The following CNTNAP2 variants were observed in gnomAD, a reference collection of about 807,000 sequenced individuals.
The protein encoded by CNTNAP2 is contactin associated protein 2, also known as contactin-associated protein-like 2.
Under a neutral mutation model 155.2 loss-of-function variants are expected in CNTNAP2, and 98 were observed. That is an observed-to-expected ratio of 0.63 (90% confidence interval 0.54 to 0.75). CNTNAP2 has a LOEUF of 0.75. Ranked by LOEUF, CNTNAP2 falls within the 30% of genes least tolerant of loss-of-function variation. The probability of loss-of-function intolerance (pLI) is 0.00; values close to 1 mark genes in which losing one functional copy is unlikely to be tolerated. For missense variants in CNTNAP2, 1,727 were observed against 1,688.1 expected (o/e 1.02, Z -0.40); for synonymous variants, 651 against 631.2 (o/e 1.03, Z -0.47).
intron 13 of CNTNAP2, among the ~76,000 whole-genome samples, chr7:147,734,502 C>T (rs1186739436): frequency 3.3e-5 from 5 of 152,094 alleles, no homozygotes; most frequent in African/African-American, 4.8e-5. Context: ...CTCTGCCAGG[C>T]TTCGGTATCA....
chr7:148,250,799 CTTA>C (rs903580646), intron 20 of CNTNAP2, among the ~76,000 whole-genome samples: 1 of 152,178 alleles, frequency 6.6e-6, no homozygotes, highest in African/African-American at 2.4e-5. Flanking sequence ...CCTCATTTTA[CTTA>C]TTATAGCCAC....
intron 10 of CNTNAP2, among the ~76,000 whole-genome samples, chr7:147,396,296 A>G (rs1796815693): frequency 6.6e-6 from 1 of 151,788 alleles, no homozygotes; most frequent in African/African-American, 2.4e-5. Flanking sequence ...GCAGTGTGGC[A>G]GAGAAACTCT....
intron 11 of CNTNAP2, among the ~76,000 whole-genome samples, chr7:147,507,678 G>A (rs1403787113): frequency 2.0e-5 from 3 of 146,776 alleles, no homozygotes; most frequent in Admixed American, 7.0e-5. Context: ...TCAGCCTCCC[G>A]AGTAGCTGGG....
In CNTNAP2 at chr7:147,013,650, C is replaced by G. The variant is rs148951658; in HGVS notation, c.403-30257C>G. 7.9e-3 allele frequency among the ~76,000 whole-genome samples: 1,196 copies of G among 152,142 alleles called. 9 individuals are homozygous for G. The highest frequency in any genetic ancestry group is 0.011 in the Non-Finnish European group (769 of 67,974). ...AATACTTCATCCGTGTCCGTCTATC[C>G]CCTCTGAATATTTACAGCATATGTT... On this transcript the variant is annotated intron_variant, in intron 3 of 23. Coordinates refer to ENST00000361727, the MANE Select transcript of CNTNAP2 (RefSeq NM_014141.6).
At chr7:148,250,712 G>A (rs139610871) in intron 20 of CNTNAP2, among the ~76,000 whole-genome samples, 49 of 152,328 alleles carry the variant, frequency 3.2e-4, no homozygotes, top group African/African-American at 1.0e-3. Flanking sequence ...ACGAGAGATC[G>A]GGGTCTGTCC....
At chr7:148,327,891 G>A (rs1368202490) in intron 21 of CNTNAP2, among the ~76,000 whole-genome samples, 1 of 151,618 alleles carries the variant, frequency 6.6e-6, no homozygotes, top group Non-Finnish European at 1.5e-5. Flanking sequence ...TCTCCACACT[G>A]GATCCACTCA....
chr7:147,776,581 A>G (rs984153630), intron 13 of CNTNAP2, among the ~76,000 whole-genome samples: 21 of 152,164 alleles, frequency 1.4e-4, no homozygotes, highest in Non-Finnish European at 2.2e-4. Flanking sequence ...AATGCTATAT[A>G]AAAGGAGAAA....
At chr7:148,305,946 T>C (rs548875291) in intron 21 of CNTNAP2, among the ~76,000 whole-genome samples, 1 of 152,302 alleles carries the variant, frequency 6.6e-6, no homozygotes, top group South Asian at 2.1e-4. Flanking sequence ...TTCCATGACT[T>C]TCTCTTTGTT....
intron 1 of CNTNAP2, among the ~76,000 whole-genome samples, chr7:146,193,938 A>G (rs1798742606): frequency 1.3e-5 from 2 of 152,226 alleles, no homozygotes; most frequent in African/African-American, 4.8e-5. Context: ...GGGCAGGGGC[A>G]AAATGCCACC....
intron 15 of CNTNAP2, among the ~76,000 whole-genome samples, chr7:148,066,552 C>T (rs1803267527): frequency 6.6e-6 from 1 of 151,908 alleles, no homozygotes; most frequent in Non-Finnish European, 1.5e-5. Context: ...GGCCGGAGTG[C>T]AGTGGTGCTA....
At chr7:146,560,803 C>T (rs1356419635) in intron 1 of CNTNAP2, among the ~76,000 whole-genome samples, 4 of 152,142 alleles carry the variant, frequency 2.6e-5, no homozygotes, top group Non-Finnish European at 5.9e-5. Flanking sequence ...TCTAGTACTT[C>T]TCTCTATTCC....
chr7:147,910,265 A>G (rs1800037875), intron 14 of CNTNAP2, among the ~76,000 whole-genome samples: 1 of 152,150 alleles, frequency 6.6e-6, no homozygotes, highest in Non-Finnish European at 1.5e-5. Context: ...TTATATATGC[A>G]TTCTCATTCG....
intron 8 of CNTNAP2, among the ~76,000 whole-genome samples, chr7:147,166,641 T>C (rs1802119827): frequency 6.6e-6 from 1 of 152,066 alleles, no homozygotes. Flanking sequence ...GCAGGCGGGC[T>C]GAGTCTGAAA....
In CNTNAP2 at chr7:146,920,105, A is replaced by C. The variant is rs955918960; in HGVS notation, c.402+80201A>C. Among the ~76,000 whole-genome samples the C allele has an allele frequency of 4.6e-5, 7 of 152,192 alleles. No homozygotes were observed. In the East Asian group the frequency reaches 1.2e-3, roughly 25 times the overall value. The stretch of plus-strand genomic sequence containing the variant: ...AATATTACTAAGAGAGTACATCTCA[A>C]ATGTTACCATAAAAATGTGAAATAC... On this transcript the variant is annotated intron_variant, in intron 3 of 23. Coordinates refer to ENST00000361727, the MANE Select transcript of CNTNAP2 (RefSeq NM_014141.6).
At chr7:146,919,927 G>C (rs1796467589) in intron 3 of CNTNAP2, among the ~76,000 whole-genome samples, 1 of 152,206 alleles carries the variant, frequency 6.6e-6, no homozygotes, top group Admixed American at 6.5e-5. Context: ...GTCCATCTAA[G>C]TGGGAGCTGC....
At chr7:147,511,726 A>G (rs578182266) in intron 11 of CNTNAP2, among the ~76,000 whole-genome samples, 4 of 151,904 alleles carry the variant, frequency 2.6e-5, no homozygotes, top group Non-Finnish European at 4.4e-5. Context: ...CTGTGTAGAT[A>G]GAAAGCTCTT....
intron 21 of CNTNAP2, among the ~76,000 whole-genome samples, chr7:148,338,251 C>A (rs1317671407): frequency 6.6e-6 from 1 of 152,148 alleles, no homozygotes; most frequent in African/African-American, 2.4e-5. Flanking sequence ...TAAGGGCTGG[C>A]TATGGTGACT....
At chr7:146,276,392 T>A (rs532733066) in intron 1 of CNTNAP2, among the ~76,000 whole-genome samples, 1 of 152,364 alleles carries the variant, frequency 6.6e-6, no homozygotes, top group East Asian at 1.9e-4. Context: ...TGCATCATCT[T>A]AACCAAGGCA....
intron 21 of CNTNAP2, among the ~76,000 whole-genome samples, chr7:148,281,914 C>T (rs1227878151): frequency 2.1e-5 from 3 of 146,238 alleles, no homozygotes; most frequent in African/African-American, 7.5e-5. Context: ...CAGCTCACTG[C>T]AACCTCCACC....
Sources: allele counts gnomAD v4.1 joint callset (sites outside exome capture counted in the v4.1 genomes callset), GRCh38; gene constraint gnomAD v4.1.1; transcripts MANE v1.5; gene names NCBI Gene and HGNC (gene_info 2026-07-23, HGNC 2026-07-21).